The following ST7 variants were observed in gnomAD, a reference collection of about 807,000 sequenced individuals.
The protein encoded by ST7 is suppression of tumorigenicity 7, also known as suppressor of tumorigenicity 7 protein.
Under a neutral mutation model 78.7 loss-of-function variants are expected in ST7, and 28 were observed. That is an observed-to-expected ratio of 0.36 (90% CI 0.26 to 0.49). The LOEUF (loss-of-function observed/expected upper bound fraction) is 0.49, where lower values mean the gene tolerates loss of function less well. Among genes scored for constraint, ST7 ranks in the 20% least tolerant of loss-of-function variants. The pLI, the probability that ST7 is intolerant of heterozygous loss-of-function variation, is 0.99. For missense variants in ST7, 418 were observed against 696.0 expected, an observed-to-expected ratio of 0.60 and a Z score of 4.49; for synonymous variants, 247 against 249.6, an observed-to-expected ratio of 0.99 and a Z score of 0.10.
At chr7:117,120,667 T>A (rs1272440708) in intron 3 of ST7, among the ~76,000 whole-genome samples, 1 of 152,228 alleles carries the variant, frequency 6.6e-6, no homozygotes. Context: ...CTGGGAAGCC[T>A]TCTCTGATAG....
Position 117,208,366 on chromosome 7 carries a change from C to G in ST7, c.1255-1421C>G, listed in dbSNP as rs150963187. Among the ~76,000 whole-genome samples, 615 of 152,220 alleles carry G rather than the reference C, an allele frequency of 4.0e-3. 8 individuals are homozygous for G. Among genetic ancestry groups the G allele is most frequent in the African/African-American group, 0.014 (583 of 41,538 alleles). ...TGTGGAGTATGGCTTTCTATCCTAC[C>G]TCCTCCCAAGTGTGACGACCGTTAT... On this transcript the variant is annotated intron_variant, in intron 12 of 15. Coordinates refer to ENST00000323984, the MANE Select transcript of ST7 (RefSeq NM_001369598.1).
intron 12 of ST7, among the ~76,000 whole-genome samples, chr7:117,204,979 G>C (rs1205016453): frequency 8.5e-5 from 13 of 152,154 alleles, no homozygotes; most frequent in Admixed American, 2.6e-4. Flanking sequence ...GAGGCAGGAG[G>C]ATCGCTTGAG....
intron 9 of ST7, among the ~76,000 whole-genome samples, chr7:117,160,653 G>GTGTGTGTATATATA (rs150222080): frequency 1.2e-4 from 17 of 147,622 alleles, no homozygotes; most frequent in African/African-American, 3.8e-4. Flanking sequence ...GTGTGTGTGT[G>GTGTGTGTATATATA]TATATATATA....
intron 11 of ST7, among the ~76,000 whole-genome samples, chr7:117,189,817 C>T (rs907455029): frequency 1.6e-4 from 24 of 152,200 alleles, no homozygotes; most frequent in African/African-American, 5.1e-4. Context: ...GCCTCATCAA[C>T]TTCAAATTAG....
At chr7:117,130,059 A>G (rs572544438) in intron 4 of ST7, among the ~76,000 whole-genome samples, 4 of 152,022 alleles carry the variant, frequency 2.6e-5, no homozygotes, top group African/African-American at 7.2e-5. Flanking sequence ...TAGTTTTTAG[A>G]GTTTTTGTAT....
chr7:117,174,779 G>C (rs995992487), intron 10 of ST7, among the ~76,000 whole-genome samples: 1 of 152,204 alleles, frequency 6.6e-6, no homozygotes, highest in Non-Finnish European at 1.5e-5. Context: ...CTGCAAGGAG[G>C]CAGTTATTCC....
At chr7:117,003,158 A>T (rs1041548309) in intron 1 of ST7, among the ~76,000 whole-genome samples, 6 of 145,800 alleles carry the variant, frequency 4.1e-5, no homozygotes, top group South Asian at 2.2e-4. Context: ...TATTATTATT[A>T]TTTTTTTTTT....
chr7:117,190,672 C>T lies in ST7; in HGVS notation c.1152-162C>T, dbSNP rs1563154454. Among the ~76,000 whole-genome samples the T allele has an allele frequency of 1.3e-5, 2 of 152,172 alleles. No individual in the cohort carries two copies. The highest frequency in any genetic ancestry group is 2.9e-5 in the Non-Finnish European group (2 of 68,026). On this transcript the variant is annotated intron_variant, in intron 11 of 15. Transcript: ENST00000323984. The surrounding 1 kb of genome is among the most constrained non-coding windows in gnomAD (Gnocchi z 5.2). The stretch of plus-strand genomic sequence containing the variant: ...CTGCTTCTGCTGGGGTTTTTGCTGG[C>T]CTCGGTCCGTGGGGTCACTCAGAGG...
At chr7:117,131,805 T>C in intron 5 of ST7, 80 bp from the exon 6 acceptor site, 1 of 1,271,252 alleles carries the variant, frequency 7.9e-7, no homozygotes, top group Non-Finnish European at 1.1e-6. Context: ...CTGACACTCC[T>C]AATTTAGCTC....
chr7:116,997,315 T>G (rs1206334757), intron 1 of ST7, among the ~76,000 whole-genome samples: 2 of 152,164 alleles, frequency 1.3e-5, no homozygotes, highest in Non-Finnish European at 2.9e-5. Flanking sequence ...TTTTATTCCC[T>G]TATCTGACCC....
intron 12 of ST7, among the ~76,000 whole-genome samples, chr7:117,201,110 G>A (rs978465302): frequency 6.6e-6 from 1 of 152,122 alleles, no homozygotes; most frequent in African/African-American, 2.4e-5. Context: ...AATGCTTGAA[G>A]CGTGGAAGCA....
intron 12 of ST7, among the ~76,000 whole-genome samples, chr7:117,193,932 C>G (rs924045299): frequency 2.0e-5 from 3 of 152,212 alleles, no homozygotes; most frequent in African/African-American, 7.2e-5. Flanking sequence ...ATTTCACCAT[C>G]CAATGATAAA....
chr7:116,995,542 A>T (rs1794615204), intron 1 of ST7, among the ~76,000 whole-genome samples: 1 of 152,194 alleles, frequency 6.6e-6, no homozygotes, highest in African/African-American at 2.4e-5. Flanking sequence ...ATGGGAAGCA[A>T]TCCTGAGTGA....
chr7:117,097,908 A>ATATATATATATATATATTTTT, intron 1 of ST7, among the ~76,000 whole-genome samples: 1 of 30,012 alleles, frequency 3.3e-5, no homozygotes, highest in South Asian at 1.9e-3. Context: ...ATATATATAT[A>ATATATATATATATATATTTTT]TTTTTTTTTT....
At chr7:117,085,786 G>C (rs1200418807) in intron 1 of ST7, among the ~76,000 whole-genome samples, 1 of 152,014 alleles carries the variant, frequency 6.6e-6, no homozygotes, top group African/African-American at 2.4e-5. Context: ...ATGAAACTCA[G>C]AAAGGAAATT....
chr7:117,163,130 G>A (rs577439014), intron 9 of ST7, among the ~76,000 whole-genome samples: 38 of 152,256 alleles, frequency 2.5e-4, no homozygotes, highest in South Asian at 2.3e-3. Flanking sequence ...ATGGCTGGAT[G>A]ATATTTCATT....
chr7:117,031,338 C>A (rs1796465950), intron 1 of ST7, among the ~76,000 whole-genome samples: 1 of 25,902 alleles, frequency 3.9e-5, no homozygotes, highest in Non-Finnish European at 9.2e-5. Context: ...CACATGTACC[C>A]CTGAACCTAA....
chr7:117,212,957 G>T (rs1317627323), intron 13 of ST7, among the ~76,000 whole-genome samples: 2 of 152,160 alleles, frequency 1.3e-5, no homozygotes, highest in Non-Finnish European at 2.9e-5. Flanking sequence ...TCAGAGCTCT[G>T]GATTTTCCAT....
intron 9 of ST7, among the ~76,000 whole-genome samples, chr7:117,162,695 A>G (rs1372961398): frequency 6.6e-6 from 1 of 151,966 alleles, no homozygotes; most frequent in Non-Finnish European, 1.5e-5. Flanking sequence ...TGTTTTTAGA[A>G]TATAATATCA....
Sources: gnomAD v4.1 joint callset for allele counts (sites outside exome capture counted in the v4.1 genomes callset) on GRCh38, gnomAD v4.1.1 for gene constraint, Gnocchi (gnomAD v3.1) non-coding constraint, MANE v1.5 for transcripts, NCBI Gene and HGNC (gene_info 2026-07-23, HGNC 2026-07-21) for gene names.